C13orf46: variants seen among roughly 807,000 people sequenced by gnomAD.
The protein encoded by C13orf46 is chromosome 13 open reading frame 46, also known as uncharacterized protein C13orf46.
At chr13:113,960,170 G>A (rs1473480856) in intron 6 of C13orf46, among the ~76,000 whole-genome samples, 2 of 152,080 alleles carry the variant, frequency 1.3e-5, no homozygotes, top group Non-Finnish European at 2.9e-5. Context: ...GCAGGAGAAT[G>A]GCGTGAACCC....
At chr13:113,958,523 G>A (rs1204584820) in intron 6 of C13orf46, among the ~76,000 whole-genome samples, 3 of 152,172 alleles carry the variant, frequency 2.0e-5, no homozygotes, top group African/African-American at 7.2e-5. Context: ...TCGTGATTAC[G>A]CCTCTGTAAT....
the C13orf46 span, among the ~76,000 whole-genome samples, chr13:113,945,010 C>T: frequency 8.2e-6 from 1 of 122,544 alleles, no homozygotes; most frequent in Non-Finnish European, 1.7e-5. Context: ...GACAAGTCCT[C>T]CAGGTGTGTG....
chr13:113,945,936 G>A, the C13orf46 span, among the ~76,000 whole-genome samples: 1 of 152,102 alleles, frequency 6.6e-6, no homozygotes, highest in African/African-American at 2.4e-5. Context: ...GTGCTCTGTG[G>A]GCTGGAGTGC....
chr13:113,929,586 C>T, the C13orf46 span, among the ~76,000 whole-genome samples: 4 of 152,342 alleles, frequency 2.6e-5, no homozygotes, highest in East Asian at 5.8e-4. Flanking sequence ...CCATGTGGGA[C>T]GAAAGCCCAG....
the C13orf46 span, among the ~76,000 whole-genome samples, chr13:113,930,912 G>A: frequency 6.6e-6 from 1 of 152,238 alleles, no homozygotes; most frequent in African/African-American, 2.4e-5. Context: ...GCTGACCTCA[G>A]GCAAGAGGCG....
downstream of C13orf46, among the ~76,000 whole-genome samples, chr13:113,950,450 C>T (rs2052484489): frequency 6.6e-6 from 1 of 151,688 alleles, no homozygotes; most frequent in Admixed American, 6.5e-5. Flanking sequence ...GGGGTCCTCA[C>T]CCCCTGCCTT....
intron 6 of C13orf46, among the ~76,000 whole-genome samples, chr13:113,958,374 G>A (rs2052559593): frequency 6.6e-6 from 1 of 152,226 alleles, no homozygotes. Context: ...AGGACATGCA[G>A]GTCTCCAGAA....
intron 4 of C13orf46, among the ~76,000 whole-genome samples, chr13:113,967,611 G>A (rs1441865301): frequency 6.6e-6 from 1 of 152,152 alleles, no homozygotes; most frequent in Non-Finnish European, 1.5e-5. Context: ...TGTAGGAGAA[G>A]GATGTAGGAG....
At chr13:113,963,132 T>C (rs878878087) in intron 6 of C13orf46, among the ~76,000 whole-genome samples, 45,379 of 151,726 alleles carry the variant, frequency 0.3, 7,692 homozygotes, top group East Asian at 0.45. Context: ...TGGGCAAGGA[T>C]GCCGCTTGGC....
chr13:113,955,161 C>CGAGGAGAG lies in C13orf46; in HGVS notation c.*1604_*1611dup, dbSNP rs1164908520. 6.3e-6 allele frequency: 1 copy of CGAGGAGAG among 158,716 alleles called. No homozygotes were observed. The highest frequency in any genetic ancestry group is 1.2e-5 in the Non-Finnish European group (1 of 86,242). The allele number at this position is 158,716 out of a possible 1,614,324, so 9.8% of individuals were successfully genotyped here. A position where few individuals can be genotyped will look rare whatever the true frequency, so the allele number is the denominator to read the frequency against. On this transcript the variant is annotated 3_prime_UTR_variant, in exon 7 of 7. Transcript: ENST00000636427. Reference sequence around the variant, plus strand: ...CATCCGGTGGAGATGAGGAGCATCTCGAGGAGAGGAGGAGCATCTGGTGGA... The same window carrying CGAGGAGAG: ...CATCCGGTGGAGATGAGGAGCATCTCGAGGAGAGGAGGAGAGGAGGAGCATCTGGTGGA...
the C13orf46 span, among the ~76,000 whole-genome samples, chr13:113,934,133 G>A: frequency 1.3e-5 from 2 of 152,136 alleles, no homozygotes; most frequent in South Asian, 2.1e-4. Context: ...AACGGAGTGC[G>A]GAATGCAGCC....
At chr13:113,960,166 G>A (rs929166063) in intron 6 of C13orf46, among the ~76,000 whole-genome samples, 4 of 152,110 alleles carry the variant, frequency 2.6e-5, no homozygotes, top group Non-Finnish European at 5.9e-5. Context: ...TGAGGCAGGA[G>A]AATGGCGTGA....
rs2052500790 is a variant in C13orf46, at chr13:113,953,971, T to A, written c.*2802A>T. 1 of 152,440 alleles carries A rather than the reference T, an allele frequency of 6.6e-6. No homozygotes were observed. Among genetic ancestry groups the A allele is most frequent in the Non-Finnish European group, 1.5e-5 (1 of 68,186 alleles). The allele number at this position is 152,440 out of a possible 1,614,324, so 9.4% of individuals were successfully genotyped here. A position where few individuals can be genotyped will look rare whatever the true frequency, so the allele number is the denominator to read the frequency against. On this transcript the variant is annotated 3_prime_UTR_variant, in exon 7 of 7. Transcript: ENST00000636427. ...CGATGGGCACTTATCTTCTGTGGTG[T>A]CTTTCAGTCAAGGGTGGGTGCTGGC...
At chr13:113,946,169 C>A in the C13orf46 span, among the ~76,000 whole-genome samples, 1 of 152,202 alleles carries the variant, frequency 6.6e-6, no homozygotes, top group Non-Finnish European at 1.5e-5. Context: ...GCTTTATTTG[C>A]GCCCCGCTGT....
chr13:113,943,898 A>T, the C13orf46 span, among the ~76,000 whole-genome samples: 1 of 152,148 alleles, frequency 6.6e-6, no homozygotes, highest in African/African-American at 2.4e-5. Context: ...CGGCTGGCAC[A>T]TCTCCACGAG....
chr13:113,927,830 G>T, the C13orf46 span: 9 of 387,720 alleles, frequency 2.3e-5, no homozygotes, highest in East Asian at 3.3e-4. Flanking sequence ...ATGGACCAAC[G>T]TGCTTTCCAT....
At chr13:113,944,712 C>G in the C13orf46 span, among the ~76,000 whole-genome samples, 1 of 20,608 alleles carries the variant, frequency 4.9e-5, no homozygotes, top group East Asian at 1.5e-3. Context: ...GATGGGCCCT[C>G]CAGGTGTGTG....
In C13orf46 at chr13:113,971,448, G is replaced by A. The variant is rs1315411127; in HGVS notation, c.191-1226C>T. On this transcript the variant is annotated intron_variant, in intron 1 of 6. Coordinates refer to ENST00000636427, the MANE Select transcript of C13orf46 (RefSeq NM_001365455.2). ...CACGAGTGGGGCCCAGAGGTGGAGC[G>A]CAGAGCCTTTGCAGAATCAACAGGC... 3.9e-5 allele frequency among the ~76,000 whole-genome samples: 6 copies of A among 152,354 alleles called. 1 individual carries two copies. In the South Asian group the frequency reaches 6.2e-4, roughly 16 times the overall value.
chr13:113,945,642 AAGAAAG>A, the C13orf46 span, among the ~76,000 whole-genome samples: 1 of 137,468 alleles, frequency 7.3e-6, no homozygotes, highest in African/African-American at 2.7e-5. Context: ...GAAAGAAAGA[AAGAAAG>A]AAAGAAAGAA....
Sources: allele counts gnomAD v4.1 joint callset (sites outside exome capture counted in the v4.1 genomes callset), GRCh38; gene constraint gnomAD v4.1.1; transcripts MANE v1.5; gene names NCBI Gene and HGNC (gene_info 2026-07-23, HGNC 2026-07-21).